The following IL34 variants were observed in gnomAD, a reference collection of about 807,000 sequenced individuals.
IL34 encodes interleukin 34, also known as interleukin-34.
In IL34, 17 loss-of-function variants were observed where a neutral mutation model predicts 25.3. That is an observed-to-expected ratio of 0.67 (90% CI 0.46 to 1.01). The LOEUF (loss-of-function observed/expected upper bound fraction) is 1.01, where lower values mean the gene tolerates loss of function less well. Among genes scored for constraint, IL34 ranks in the 50% least tolerant of loss-of-function variants. The probability of loss-of-function intolerance (pLI) is 0.00; values close to 1 mark genes in which losing one functional copy is unlikely to be tolerated. For missense variants in IL34, 368 were observed against 312.9 expected, an observed-to-expected ratio of 1.18 and a Z score of -1.33; for synonymous variants, 174 against 140.9, an observed-to-expected ratio of 1.23 and a Z score of -1.66.
chr16:70,596,504 C>A (rs1026073662), intron 1 of IL34, among the ~76,000 whole-genome samples: 2 of 152,162 alleles, frequency 1.3e-5, no homozygotes, highest in Non-Finnish European at 2.9e-5. Flanking sequence ...CTTCTCCCCA[C>A]GTCTTCCTCC....
chr16:70,624,886 A>G (rs935671963), intron 1 of IL34, among the ~76,000 whole-genome samples: 10 of 151,862 alleles, frequency 6.6e-5, no homozygotes, highest in African/African-American at 2.2e-4. Context: ...AGACTCAGTG[A>G]CGCTTGGGGT....
intron 4 of IL34, among the ~76,000 whole-genome samples, chr16:70,658,895 T>A (rs947162524): frequency 7.9e-5 from 12 of 152,216 alleles, no homozygotes; most frequent in African/African-American, 2.9e-4. Context: ...GATCCTGAAC[T>A]TAATTACCTC....
chr16:70,582,452 G>A (rs2050646317), intron 1 of IL34, among the ~76,000 whole-genome samples: 1 of 152,258 alleles, frequency 6.6e-6, no homozygotes. Context: ...AGGCTCTGGA[G>A]CTGGTCGGGC....
chr16:70,617,934 C>T (rs1357436707), intron 1 of IL34, among the ~76,000 whole-genome samples: 8 of 152,044 alleles, frequency 5.3e-5, no homozygotes, highest in Admixed American at 2.6e-4. Context: ...GTGAAAGTAT[C>T]TACCTAGACT....
intron 4 of IL34, among the ~76,000 whole-genome samples, chr16:70,658,146 C>T (rs1383753898): frequency 6.6e-6 from 1 of 152,120 alleles, no homozygotes; most frequent in Non-Finnish European, 1.5e-5. Context: ...TGACAAGGCC[C>T]AGCTTGTCGG....
At chr16:70,614,233 CTGAG>C (rs890934824) in intron 1 of IL34, among the ~76,000 whole-genome samples, 1 of 151,376 alleles carries the variant, frequency 6.6e-6, no homozygotes, top group Non-Finnish European at 1.5e-5. Context: ...CCCAGACTTT[CTGAG>C]TGAGTCTATA....
chr16:70,613,164 G>A (rs966600263), intron 1 of IL34, among the ~76,000 whole-genome samples: 4 of 152,216 alleles, frequency 2.6e-5, no homozygotes, highest in African/African-American at 7.2e-5. Context: ...TGAAGGTGAC[G>A]CAACTGAAAA....
At chr16:70,644,769 G>C (rs1331098286), upstream of IL34, among the ~76,000 whole-genome samples, 1 of 144,538 alleles carries the variant, frequency 6.9e-6, no homozygotes, top group African/African-American at 2.6e-5. Flanking sequence ...AGGAAAAGGA[G>C]GAGGGAGGAG....
rs751743716 is a variant in IL34 at position 70,646,984 on chromosome 16, T to TG, written c.28+15dup. ...CTTCACCTGGCTGCGCTGTGAGTAC[T>TG]GGGGGGTCCCTAGGGACCTGCATTG... On this transcript the variant is annotated intron_variant, in intron 1 of 5. Coordinates refer to ENST00000288098, the MANE Select transcript of IL34 (RefSeq NM_001393494.1). 8 of 1,454,066 alleles carry TG rather than the reference T, an allele frequency of 5.5e-6. No individual in the cohort carries two copies. The South Asian group carries it at 6.0e-5, about 11-fold the overall frequency. The allele number at this position is 1,454,066 out of a possible 1,614,324, so 90.1% of individuals were successfully genotyped here.
upstream of IL34, among the ~76,000 whole-genome samples, chr16:70,643,733 GAAAA>G (rs1428357090): frequency 6.6e-6 from 1 of 151,970 alleles, no homozygotes; most frequent in African/African-American, 2.4e-5. Flanking sequence ...TTTTTAAAAA[GAAAA>G]AAGACTTAAG....
At chr16:70,623,906 A>C (rs2051333006) in intron 1 of IL34, among the ~76,000 whole-genome samples, 1 of 149,360 alleles carries the variant, frequency 6.7e-6, no homozygotes, top group African/African-American at 2.5e-5. Flanking sequence ...AGGCAAGGGA[A>C]ACAGGCCCTT....
At chr16:70,644,902 GAAGA>G (rs1567460865), upstream of IL34, among the ~76,000 whole-genome samples, 2 of 132,642 alleles carry the variant, frequency 1.5e-5, no homozygotes, top group Non-Finnish European at 3.2e-5. Context: ...GAGGAAGGAG[GAAGA>G]GGAGGGAGGA....
At chr16:70,606,137 C>T (rs965550992) in intron 1 of IL34, among the ~76,000 whole-genome samples, 7 of 152,030 alleles carry the variant, frequency 4.6e-5, no homozygotes, top group Non-Finnish European at 1.0e-4. Context: ...TGGCTCACGC[C>T]TGTAATCCTA....
intron 1 of IL34, among the ~76,000 whole-genome samples, chr16:70,623,952 T>C (rs2051334217): frequency 8.8e-6 from 1 of 113,746 alleles, no homozygotes; most frequent in Non-Finnish European, 2.0e-5. Context: ...AGCCTCCGTA[T>C]TGATTAAGGC....
At position 70,608,181 on chromosome 16, in the gene IL34, G is replaced by A. The variant is rs565935519; in HGVS notation, c.-401+28132G>A. 3.0e-3 allele frequency among the ~76,000 whole-genome samples: 427 copies of A among 143,176 alleles called. 2 individuals carry two copies. Among genetic ancestry groups the A allele is most frequent in the African/African-American group, 0.011 (413 of 38,492 alleles). 93.9% of individuals were successfully genotyped at this position (143,176 alleles called of 152,430 possible). On this transcript the variant is annotated intron_variant, in intron 1 of 6. Coordinates refer to the IL34 transcript ENST00000429149. ...TCTTGCTCTGTTGCCCAGGCTGGAGGGCAGTGGTGTGCTCTCGGCTCACTG... is the reference window on the plus strand; with the variant it reads ...TCTTGCTCTGTTGCCCAGGCTGGAGAGCAGTGGTGTGCTCTCGGCTCACTG...
At chr16:70,649,545 C>G (rs1010159853) in intron 1 of IL34, among the ~76,000 whole-genome samples, 3 of 152,162 alleles carry the variant, frequency 2.0e-5, no homozygotes, top group Non-Finnish European at 4.4e-5. Context: ...TGGAGTCGGT[C>G]CTACCTCCTA....
At chr16:70,616,852 T>C (rs1441973950) in intron 1 of IL34, among the ~76,000 whole-genome samples, 1 of 152,226 alleles carries the variant, frequency 6.6e-6, no homozygotes, top group Non-Finnish European at 1.5e-5. Context: ...CTTCAGGCCA[T>C]CTGGATGTAT....
chr16:70,609,120 C>G lies in IL34; in HGVS notation c.-401+29071C>G, dbSNP rs188007037. On this transcript the variant is annotated intron_variant, in intron 1 of 6. Transcript: ENST00000429149. ...TGAGATGGAATCTTGCTCCGTCGCC[C>G]AGGCTGAAGTGCAGTGGTGCGATCT... is the stretch of plus-strand genomic sequence containing the variant. Among the ~76,000 whole-genome samples the G allele has an allele frequency of 1.8e-3, 274 of 152,146 alleles. 1 individual carries two copies. Among genetic ancestry groups the G allele is most frequent in the Middle Eastern group, 6.8e-3 (2 of 292 alleles).
At chr16:70,594,949 C>G (rs1017879333) in intron 1 of IL34, among the ~76,000 whole-genome samples, 3 of 141,428 alleles carry the variant, frequency 2.1e-5, no homozygotes, top group Admixed American at 6.7e-5. Context: ...CTCTCTCTCT[C>G]TCTCTCTTTT....
Sources: gnomAD v4.1 joint callset for allele counts (sites outside exome capture counted in the v4.1 genomes callset) on GRCh38, gnomAD v4.1.1 for gene constraint, MANE v1.5 for transcripts, NCBI Gene and HGNC (gene_info 2026-07-23, HGNC 2026-07-21) for gene names.